TIA1: variants seen among roughly 807,000 people sequenced by gnomAD.
The protein encoded by TIA1 is TIA1 cytotoxic granule associated RNA binding protein.
Under a neutral mutation model 65.9 loss-of-function variants are expected in TIA1, and 23 were observed. The observed-to-expected ratio is 0.35, with a 90% CI of 0.25 to 0.49. The LOEUF is 0.49. TIA1 is among the 20% of genes least tolerant of loss of function. The pLI, the probability that TIA1 is intolerant of heterozygous loss-of-function variation, is 0.98. For synonymous variants in TIA1, 147 were observed against 149.4 expected, an observed-to-expected ratio of 0.98 and a Z score of 0.12; for missense variants, 371 against 477.9, an observed-to-expected ratio of 0.78 and a Z score of 2.09.
Position 70,248,425 on chromosome 2 carries a change from C to T in TIA1, c.6G>A (p.Glu2=), listed in dbSNP as rs1380741550. ...CTCACAGAGTCTTGGGCATCTCGTC[C>T]TCCATGGCTGCTGCTGTCGCGGCGG... M[E]DEMPKTLYVG... Residue 2 remains glutamate, a synonymous_variant, in exon 1 of 13, where the codon GAG becomes GAA. Coordinates refer to ENST00000433529, the MANE Select transcript of TIA1 (RefSeq NM_022173.4). 4 of 1,600,620 alleles carry T rather than the reference C, an allele frequency of 2.5e-6. No individual in the cohort carries two copies. The African/African-American group carries it at 5.3e-5, about 21-fold the overall frequency.
At chr2:70,234,414 T>TATCCA (rs1360181310) in intron 2 of TIA1, among the ~76,000 whole-genome samples, 2 of 152,200 alleles carry the variant, frequency 1.3e-5, no homozygotes. Context: ...TTTTCTCCTT[T>TATCCA]ATCCAAAGGC....
Position 70,214,422 on chromosome 2 carries a change from G to A in TIA1, c.961C>T (p.Gln321Ter). 1 of 1,613,916 alleles carries A rather than the reference G, an allele frequency of 6.2e-7. No homozygotes were observed. The highest frequency in any genetic ancestry group is 8.5e-7 in the Non-Finnish European group (1 of 1,179,944). ...QWYGNAQQIG[Q>*]YMPNGWQVPA... ...ACTTGCCAACCATTAGGCATATACT[G>A]GCCAATTTGTTGTGCATTTCCATAC... The change falls in exon 12 of 13, where the codon CAG becomes TAG. Residue 321 changes from glutamine (Q) to a stop codon, truncating the protein, a stop_gained. Transcript: ENST00000433529. LOFTEE classifies it high-confidence loss of function.
In TIA1 at chr2:70,209,877, AC is replaced by A. The variant is rs1466934806; in HGVS notation, c.*2841del. 3 of 396,254 alleles carry A rather than the reference AC, an allele frequency of 7.6e-6. No homozygotes were observed. The highest frequency in any genetic ancestry group is 4.4e-6 in the Non-Finnish European group (1 of 225,188). 24.5% of individuals were successfully genotyped at this position (396,254 alleles called of 1,614,324 possible). On this transcript the variant is annotated 3_prime_UTR_variant, in exon 13 of 13. Transcript: ENST00000433529. ...TCTTTGTACATGCAATCTAGTTCTT[AC>A]CAACTGCCTTCTCAAATGGAATAGA... is the stretch of plus-strand genomic sequence containing the variant.
intron 1 of TIA1, among the ~76,000 whole-genome samples, chr2:70,239,612 G>A (rs1690785632): frequency 6.6e-6 from 1 of 152,166 alleles, no homozygotes; most frequent in Non-Finnish European, 1.5e-5. Context: ...CACAAAGTGT[G>A]GAATCAATTT....
intron 2 of TIA1, among the ~76,000 whole-genome samples, chr2:70,234,467 T>C (rs1687899960): frequency 6.6e-6 from 1 of 152,228 alleles, no homozygotes; most frequent in African/African-American, 2.4e-5. Flanking sequence ...CATAACTCTT[T>C]GTTGATTTCA....
intron 11 of TIA1, 138 bp from the exon 12 acceptor site, chr2:70,214,632 TAA>T (rs758601002): frequency 1.7e-3 from 520 of 311,066 alleles, no homozygotes; most frequent in East Asian, 3.7e-3. Flanking sequence ...AGTTGACTGC[TAA>T]AAAAAAAAAA....
intron 7 of TIA1, among the ~76,000 whole-genome samples, chr2:70,221,860 T>A (rs1012959455): frequency 3.9e-5 from 6 of 151,988 alleles, no homozygotes; most frequent in African/African-American, 1.4e-4. Context: ...CAATCTCAGC[T>A]CACTGGATCC....
At chr2:70,246,780 G>A in intron 1 of TIA1, among the ~76,000 whole-genome samples, 1 of 152,140 alleles carries the variant, frequency 6.6e-6, no homozygotes, top group East Asian at 1.9e-4. Context: ...CAGCTACTTG[G>A]GAGGGTGAGG....
chr2:70,229,238 G>A (rs760810459), intron 4 of TIA1, 26 bp downstream of exon 4: 1 of 1,612,494 alleles, frequency 6.2e-7, no homozygotes, highest in Non-Finnish European at 8.5e-7. Context: ...AAAAACAAAT[G>A]TTCAAAGAGC....
At chr2:70,216,709 T>C (rs1558765235) in intron 8 of TIA1, 177 bp downstream of exon 8, 7 of 1,491,886 alleles carry the variant, frequency 4.7e-6, no homozygotes, top group Non-Finnish European at 5.3e-6. Context: ...GACTTGACAT[T>C]AGAAATAATA....
chr2:70,230,878 C>A, intron 2 of TIA1, 24 bp from the exon 3 acceptor site: 2 of 1,570,434 alleles, frequency 1.3e-6, no homozygotes, highest in Non-Finnish European at 8.6e-7. Context: ...AACACAAAAG[C>A]CAATTTTAAG....
chr2:70,216,475 T>C lies in TIA1; in HGVS notation c.608A>G (p.Asp203Gly), dbSNP rs1678682927. Reference protein sequence around the residue: ...YESNTKQLSYDEVVNQSSPSN... With the variant: ...YESNTKQLSYGEVVNQSSPSN... ...TGGACTAGACTGATTTACAACCTCATCATATGATAGCTGTTTGGTATTTGC... is the reference window on the plus strand; with the variant it reads ...TGGACTAGACTGATTTACAACCTCACCATATGATAGCTGTTTGGTATTTGC... The change falls in exon 9 of 13, where the codon GAT becomes GGT. Residue 203 changes from aspartate to glycine, a missense_variant. By Grantham distance (94) the Asp-to-Gly change is moderately conservative. Coordinates refer to ENST00000433529, the MANE Select transcript of TIA1 (RefSeq NM_022173.4). The C allele has an allele frequency of 2.5e-6, 4 of 1,613,892 alleles. No homozygotes were observed. Among genetic ancestry groups the C allele is most frequent in the Non-Finnish European group, 3.4e-6 (4 of 1,179,906 alleles).
At chr2:70,233,279 T>C (rs150314036) in intron 2 of TIA1, among the ~76,000 whole-genome samples, 1,762 of 152,296 alleles carry the variant, frequency 0.012, 39 homozygotes, top group African/African-American at 0.04. Flanking sequence ...CAACAATTAA[T>C]AGTTTGAGAG....
intron 5 of TIA1, 108 bp from the exon 6 acceptor site, chr2:70,227,930 T>TA: frequency 1.5e-6 from 1 of 683,942 alleles, no homozygotes. Context: ...TGGCTTATGA[T>TA]AAAGTATAAA....
At chr2:70,220,390 CAG>C (rs1433076031) in intron 7 of TIA1, among the ~76,000 whole-genome samples, 2 of 151,762 alleles carry the variant, frequency 1.3e-5, no homozygotes, top group South Asian at 2.1e-4. Flanking sequence ...GCCTGGGTGA[CAG>C]AGTGAGGTCC....
intron 6 of TIA1, chr2:70,224,884 T>C (rs1683134799): frequency 2.5e-6 from 3 of 1,213,694 alleles, no homozygotes; most frequent in Non-Finnish European, 3.1e-6. Context: ...AAAAACTTTT[T>C]AAACTTTTAA....
Position 70,216,395 on chromosome 2 carries a change from C to T in TIA1, c.679+9G>A. 3.7e-6 allele frequency: 6 copies of T among 1,607,184 alleles called. No individual in the cohort carries two copies. The South Asian group carries it at 6.7e-5, about 18-fold the overall frequency. On this transcript the variant is annotated intron_variant, in intron 9 of 12. Coordinates refer to ENST00000433529, the MANE Select transcript of TIA1 (RefSeq NM_022173.4). The stretch of plus-strand genomic sequence containing the variant: ...AAAAATTAATGCCACACAGGGAAGG[C>T]TCCCATACCTGTTAGCCCAGAAGTA...
chr2:70,220,759 T>C (rs1194974279), intron 7 of TIA1, among the ~76,000 whole-genome samples: 2 of 151,492 alleles, frequency 1.3e-5, no homozygotes, highest in African/African-American at 2.4e-5. Flanking sequence ...ATGTTGGTGG[T>C]TGTGAATGGG....
At chr2:70,231,795 T>C (rs1203806835) in intron 2 of TIA1, among the ~76,000 whole-genome samples, 1 of 152,194 alleles carries the variant, frequency 6.6e-6, no homozygotes, top group East Asian at 1.9e-4. Flanking sequence ...TTTTAAAATA[T>C]AGGTAAATAG....
Sources: gnomAD v4.1 joint callset for allele counts (sites outside exome capture counted in the v4.1 genomes callset) on GRCh38, gnomAD v4.1.1 for gene constraint, MANE v1.5 for transcripts, NCBI Gene and HGNC (gene_info 2026-07-23, HGNC 2026-07-21) for gene names.